The following PRDM6 variants were observed in gnomAD, a reference collection of about 807,000 sequenced individuals.
PRDM6 encodes putative histone-lysine N-methyltransferase PRDM6.
PRDM6 carries 25 observed loss-of-function variants against 60.8 expected under a neutral mutation model. The ratio of observed to expected loss-of-function variants is 0.41; its 90% CI spans 0.30 to 0.57. PRDM6 has a LOEUF of 0.57. Ranked by LOEUF, PRDM6 falls within the 20% of genes least tolerant of loss-of-function variation. The probability of loss-of-function intolerance (pLI) is 0.27; values close to 1 mark genes in which losing one functional copy is unlikely to be tolerated. For synonymous variants in PRDM6, 407 were observed against 357.4 expected (o/e 1.14, Z -1.57); for missense variants, 839 against 821.3 (o/e 1.02, Z -0.26).
chr5:123,106,814 C>T (rs1284404539), intron 3 of PRDM6, among the ~76,000 whole-genome samples: 2 of 152,190 alleles, frequency 1.3e-5, no homozygotes, highest in Non-Finnish European at 2.9e-5. Flanking sequence ...ATGCTGTATG[C>T]AAGGATTTAT....
At chr5:123,089,835 G>A (rs924178277) in intron 1 of PRDM6, among the ~76,000 whole-genome samples, 165 bp from the exon 2 acceptor site, 2 of 152,004 alleles carry the variant, frequency 1.3e-5, no homozygotes, top group South Asian at 2.1e-4. Context: ...CGCAGCTTCG[G>A]AGTAAACTTT....
chr5:123,090,344 C>T lies in PRDM6; in HGVS notation c.330C>T (p.Ala110=), dbSNP rs1763797886. The part of the protein sequence containing the change: ...AAAAALAGLS[A]LPVSQLPVFA... ...CCGCCGCGCTGGCTGGTCTCTCGGCCCTGCCGGTGTCGCAGCTGCCGGTGT... is the reference window on the plus strand; with the variant it reads ...CCGCCGCGCTGGCTGGTCTCTCGGCTCTGCCGGTGTCGCAGCTGCCGGTGT... Residue 110 remains alanine (A), a synonymous_variant, in exon 2 of 8, where the codon GCC becomes GCT. Coordinates refer to ENST00000407847, the MANE Select transcript of PRDM6 (RefSeq NM_001136239.4). The T allele has an allele frequency of 3.4e-6, 5 of 1,476,604 alleles. No individual in the cohort carries two copies. Among genetic ancestry groups the T allele is most frequent in the African/African-American group, 1.5e-5 (1 of 68,140 alleles). 91.5% of individuals were successfully genotyped at this position (1,476,604 alleles called of 1,614,324 possible).
At chr5:123,097,995 C>G (rs1434004328) in intron 2 of PRDM6, among the ~76,000 whole-genome samples, 2 of 152,240 alleles carry the variant, frequency 1.3e-5, no homozygotes, top group Admixed American at 1.3e-4. Context: ...TCCAGTGAGA[C>G]AGGAGGCTTA....
At chr5:123,177,156 C>T (rs963358825) in intron 6 of PRDM6, among the ~76,000 whole-genome samples, 4 of 152,160 alleles carry the variant, frequency 2.6e-5, no homozygotes, top group East Asian at 1.9e-4. Context: ...AATTTTTGAA[C>T]GTATTCCTGT....
rs1054071656 is a variant in PRDM6, at chr5:123,190,696, G to A, written c.*3495G>A. 16 of 152,058 alleles carry A rather than the reference G, an allele frequency of 1.1e-4. No individual in the cohort carries two copies. The highest frequency in any genetic ancestry group is 2.0e-4 in the Admixed American group (3 of 15,276). 9.4% of individuals were successfully genotyped at this position (152,058 alleles called of 1,614,324 possible). ...ATGCAAAGATTTATACGAACATTTA[G>A]CAGTTCATCAATTTTTAAATCAGAT... On this transcript the variant is annotated 3_prime_UTR_variant, in exon 8 of 8. Coordinates refer to ENST00000407847, the MANE Select transcript of PRDM6 (RefSeq NM_001136239.4).
chr5:123,165,295 A>T (rs1006780004), intron 5 of PRDM6, among the ~76,000 whole-genome samples: 2 of 152,214 alleles, frequency 1.3e-5, no homozygotes, highest in African/African-American at 4.8e-5. Context: ...CCCATCTTTC[A>T]GCAGCTCTCA....
chr5:123,134,870 T>A (rs1042097512), intron 3 of PRDM6, among the ~76,000 whole-genome samples: 2 of 152,166 alleles, frequency 1.3e-5, no homozygotes, highest in Non-Finnish European at 2.9e-5. Flanking sequence ...ATCAGTGTTT[T>A]AAGAAGCTAA....
intron 5 of PRDM6, among the ~76,000 whole-genome samples, chr5:123,164,130 C>G (rs1043041862): frequency 6.6e-6 from 1 of 151,980 alleles, no homozygotes; most frequent in Non-Finnish European, 1.5e-5. Flanking sequence ...AAGCCAGGCC[C>G]TGTCCTGGAG....
intron 6 of PRDM6, among the ~76,000 whole-genome samples, chr5:123,173,015 C>A (rs946091248): frequency 6.6e-6 from 1 of 152,006 alleles, no homozygotes; most frequent in Admixed American, 6.5e-5. Flanking sequence ...CACGGTGAAA[C>A]CCTGTCTCTA....
At chr5:123,145,395 C>G (rs1347539967) in intron 3 of PRDM6, among the ~76,000 whole-genome samples, 1 of 152,204 alleles carries the variant, frequency 6.6e-6, no homozygotes, top group Non-Finnish European at 1.5e-5. Context: ...GGCTGGCACA[C>G]AGTAGCTGCT....
At chr5:123,141,044 GAA>G (rs1434340217) in intron 3 of PRDM6, among the ~76,000 whole-genome samples, 1 of 151,826 alleles carries the variant, frequency 6.6e-6, no homozygotes, top group African/African-American at 2.4e-5. Flanking sequence ...ATTAAATAGA[GAA>G]AAGTATAAGC....
At chr5:123,091,732 C>G (rs1763844786) in intron 2 of PRDM6, among the ~76,000 whole-genome samples, 1 of 152,234 alleles carries the variant, frequency 6.6e-6, no homozygotes, top group Non-Finnish European at 1.5e-5. Context: ...TTTGAAAGAT[C>G]AGCATTCATT....
intron 3 of PRDM6, among the ~76,000 whole-genome samples, chr5:123,151,923 G>A (rs1034628005): frequency 1.3e-5 from 2 of 152,080 alleles, no homozygotes; most frequent in Admixed American, 6.6e-5. Flanking sequence ...CATTTAAGAC[G>A]TCCTTGAATT....
At chr5:123,151,996 TA>T (rs904383155) in intron 3 of PRDM6, among the ~76,000 whole-genome samples, 36 of 150,490 alleles carry the variant, frequency 2.4e-4, no homozygotes, top group African/African-American at 7.1e-4. Flanking sequence ...GGAGGGAAAT[TA>T]AAAAAAAAAA....
In PRDM6 at chr5:123,127,045, T is replaced by G. The variant is rs1764708548; in HGVS notation, c.900+27084T>G. ...TACCCCACTCCCAACACTTAACTTT[T>G]TTTTTTTTTTGAGATGGAGTCTTTC... On this transcript the variant is annotated intron_variant, in intron 3 of 7. Transcript: ENST00000407847. 3.3e-5 allele frequency among the ~76,000 whole-genome samples: 5 copies of G among 152,058 alleles called. No homozygotes were observed. In the South Asian group the frequency reaches 1.0e-3, roughly 32 times the overall value.
At chr5:123,180,849 C>T (rs1309921727) in intron 7 of PRDM6, among the ~76,000 whole-genome samples, 1 of 152,134 alleles carries the variant, frequency 6.6e-6, no homozygotes, top group Non-Finnish European at 1.5e-5. Context: ...TGTGACTTTT[C>T]AGTGTATACT....
Position 123,099,883 on chromosome 5 carries a change from T to A in PRDM6, c.822T>A (p.Ile274=). Residue 274 remains isoleucine, a synonymous_variant, in exon 3 of 8, where the codon ATT becomes ATA. Coordinates refer to ENST00000407847, the MANE Select transcript of PRDM6 (RefSeq NM_001136239.4). The surrounding 1 kb of genome is among the most constrained non-coding windows in gnomAD (Gnocchi z 4.0). Reference sequence around the variant, plus strand: ...AGAGGATCCAGCAAGGCACCTGGATTGGACCTTTCCAAGGCGTGCTTCTGC... The same window carrying A: ...AGAGGATCCAGCAAGGCACCTGGATAGGACCTTTCCAAGGCGTGCTTCTGC... The part of the protein sequence containing the change: ...AAQRIQQGTW[I]GPFQGVLLPP... 1 of 1,549,870 alleles carries A rather than the reference T, an allele frequency of 6.5e-7. No homozygotes were observed. The highest frequency in any genetic ancestry group is 8.7e-7 in the Non-Finnish European group (1 of 1,146,446).
intron 7 of PRDM6, among the ~76,000 whole-genome samples, chr5:123,185,678 C>T (rs573577059): frequency 3.7e-4 from 57 of 152,316 alleles, no homozygotes; most frequent in Admixed American, 1.9e-3. Flanking sequence ...TGACACACTC[C>T]GCTGGTGCAG....
At chr5:123,130,392 T>G (rs1764805206) in intron 3 of PRDM6, among the ~76,000 whole-genome samples, 1 of 143,222 alleles carries the variant, frequency 7.0e-6, no homozygotes, top group African/African-American at 2.6e-5. Context: ...TCTTTATCTC[T>G]TTCTCAACAG....
Sources: allele counts gnomAD v4.1 joint callset (sites outside exome capture counted in the v4.1 genomes callset), GRCh38; gene constraint gnomAD v4.1.1; non-coding constraint Gnocchi (gnomAD v3.1); transcripts MANE v1.5; gene names NCBI Gene and HGNC (gene_info 2026-07-23, HGNC 2026-07-21).